DTNB: variants seen among roughly 807,000 people sequenced by gnomAD.
DTNB encodes the protein DTN-B.
A neutral mutation model predicts 90.7 loss-of-function variants in DTNB; 63 were observed. The observed-to-expected ratio is 0.69, with a 90% CI of 0.57 to 0.86. The LOEUF (loss-of-function observed/expected upper bound fraction) is 0.86, where lower values mean the gene tolerates loss of function less well. Ranked by LOEUF, DTNB falls within the 40% of genes least tolerant of loss-of-function variation. The pLI is 0.00. For synonymous variants in DTNB, 277 were observed against 286.7 expected, an observed-to-expected ratio of 0.97 and a Z score of 0.34; for missense variants, 744 against 807.1, an observed-to-expected ratio of 0.92 and a Z score of 0.95.
intron 4 of DTNB, among the ~76,000 whole-genome samples, chr2:25,610,149 C>A (rs1016360533): frequency 6.6e-6 from 1 of 152,070 alleles, no homozygotes; most frequent in Non-Finnish European, 1.5e-5. Context: ...CTCCCTCTGT[C>A]GCCCAGGCTG....
At chr2:25,654,046 C>T (rs1193871454) in intron 1 of DTNB, among the ~76,000 whole-genome samples, 3 of 152,196 alleles carry the variant, frequency 2.0e-5, no homozygotes, top group African/African-American at 4.8e-5. Flanking sequence ...AAACCCTACC[C>T]GGTAGATATA....
At position 25,394,127 on chromosome 2, in the gene DTNB, C is replaced by T. The variant is rs189321929; in HGVS notation, c.1576-5766G>A. Among the ~76,000 whole-genome samples the T allele has an allele frequency of 5.3e-4, 81 of 151,880 alleles. 1 individual carries two copies. The East Asian group carries it at 0.015, about 29-fold the overall frequency. Reference sequence around the variant, plus strand: ...CCCAACTGATCTTTGACAAAGCAAACAAAAACAAAAAATGGGGAAAGGACA... The same window carrying T: ...CCCAACTGATCTTTGACAAAGCAAATAAAAACAAAAAATGGGGAAAGGACA... On this transcript the variant is annotated intron_variant, in intron 16 of 20. Transcript: ENST00000406818.
At chr2:25,526,393 A>ATTTTTT (rs1417545308) in intron 9 of DTNB, among the ~76,000 whole-genome samples, 2 of 59,454 alleles carry the variant, frequency 3.4e-5, no homozygotes, top group Admixed American at 2.5e-4. Flanking sequence ...ATATATATAT[A>ATTTTTT]TATTTTTTTT....
intron 3 of DTNB, among the ~76,000 whole-genome samples, chr2:25,634,502 C>T (rs2076686739): frequency 6.7e-6 from 1 of 150,090 alleles, no homozygotes; most frequent in Admixed American, 6.6e-5. Context: ...CCCGGCTGCC[C>T]CTACTGGGAA....
chr2:25,428,160 C>T (rs1045015936), intron 14 of DTNB: 19 of 152,230 alleles, frequency 1.2e-4, no homozygotes, highest in African/African-American at 3.6e-4. Flanking sequence ...ACTTTATTCC[C>T]TAAATGGTTT....
intron 6 of DTNB, among the ~76,000 whole-genome samples, chr2:25,588,308 T>C (rs531548396): frequency 6.6e-6 from 1 of 152,340 alleles, no homozygotes; most frequent in East Asian, 1.9e-4. Flanking sequence ...TGTCCACACC[T>C]TTCTGCATTT....
At chr2:25,483,926 GT>G (rs1188148337) in intron 9 of DTNB, among the ~76,000 whole-genome samples, 7 of 152,154 alleles carry the variant, frequency 4.6e-5, no homozygotes, top group African/African-American at 1.7e-4. Context: ...CCTTTTCTAT[GT>G]TTAGATACAT....
intron 3 of DTNB, among the ~76,000 whole-genome samples, chr2:25,631,413 A>T (rs561048464): frequency 9.9e-5 from 15 of 151,988 alleles, no homozygotes; most frequent in Middle Eastern, 3.4e-3. Flanking sequence ...TCCACAAAAA[A>T]TTTTTTTTAA....
At chr2:25,670,218 G>T (rs1265779584) in intron 1 of DTNB, among the ~76,000 whole-genome samples, 4 of 152,202 alleles carry the variant, frequency 2.6e-5, no homozygotes, top group Admixed American at 2.0e-4. Context: ...ATGGTATGAT[G>T]TCATTAATGC....
chr2:25,413,295 T>C (rs1178892059), intron 16 of DTNB, among the ~76,000 whole-genome samples: 2 of 152,094 alleles, frequency 1.3e-5, no homozygotes, highest in Admixed American at 6.5e-5. Context: ...CTTTAAGTTC[T>C]AGGGTACATG....
At chr2:25,397,921 A>C (rs189848052) in intron 16 of DTNB, among the ~76,000 whole-genome samples, 81 of 151,462 alleles carry the variant, frequency 5.3e-4, no homozygotes, top group Admixed American at 5.2e-3. Flanking sequence ...CTGAAATGCT[A>C]ACACACTTCA....
intron 15 of DTNB, chr2:25,426,613 G>A (rs557745050): frequency 6.6e-6 from 1 of 152,300 alleles, no homozygotes; most frequent in East Asian, 1.9e-4. Flanking sequence ...CAGTTCTCCT[G>A]GTTCTCAACC....
intron 1 of DTNB, among the ~76,000 whole-genome samples, chr2:25,661,285 G>A (rs1013406480): frequency 2.0e-5 from 3 of 152,148 alleles, no homozygotes; most frequent in East Asian, 1.9e-4. Flanking sequence ...AAAAGAGATC[G>A]GCAATGCTTA....
intron 1 of DTNB, among the ~76,000 whole-genome samples, chr2:25,664,077 A>G (rs2083822782): frequency 6.6e-6 from 1 of 152,210 alleles, no homozygotes; most frequent in African/African-American, 2.4e-5. Flanking sequence ...TTAGCCCATA[A>G]TATCATTAGT....
chr2:25,457,479 G>C (rs2060227354), intron 10 of DTNB, among the ~76,000 whole-genome samples: 2 of 152,162 alleles, frequency 1.3e-5, no homozygotes, highest in Admixed American at 6.5e-5. Context: ...GAAAAAGCTA[G>C]AAAATCTGTA....
intron 7 of DTNB, 114 bp downstream of exon 7, chr2:25,580,607 G>T: frequency 2.0e-6 from 2 of 1,001,252 alleles, no homozygotes; most frequent in Non-Finnish European, 1.5e-6. Flanking sequence ...ATGACAGAAT[G>T]ACAGCAAATG....
At chr2:25,650,960 CA>C (rs780874628) in intron 2 of DTNB, among the ~76,000 whole-genome samples, 2,234 of 119,670 alleles carry the variant, frequency 0.019, 16 homozygotes, top group Admixed American at 0.025. Flanking sequence ...GACTCCCTCT[CA>C]AAAAAAAAAA....
intron 10 of DTNB, 90 bp from the exon 11 acceptor site, chr2:25,455,584 GA>G (rs1229415838): frequency 7.3e-6 from 8 of 1,091,628 alleles, no homozygotes; most frequent in Non-Finnish European, 1.0e-5. Flanking sequence ...AAACTTCAAA[GA>G]AAAATTTAAA....
At chr2:25,418,889 C>T (rs1439555467) in intron 16 of DTNB, among the ~76,000 whole-genome samples, 1 of 152,088 alleles carries the variant, frequency 6.6e-6, no homozygotes, top group Non-Finnish European at 1.5e-5. Flanking sequence ...TTGTGTGGGT[C>T]AGTGGCTATC....
Sources: allele counts gnomAD v4.1 joint callset (sites outside exome capture counted in the v4.1 genomes callset), GRCh38; gene constraint gnomAD v4.1.1; transcripts MANE v1.5; gene names NCBI Gene and HGNC (gene_info 2026-07-23, HGNC 2026-07-21).